The following CFH variants were observed in gnomAD, a reference collection of about 807,000 sequenced individuals.
CFH encodes complement factor H.
A neutral mutation model predicts 147.3 loss-of-function variants in CFH; 53 were observed. The observed-to-expected ratio is 0.36, with a 90% CI of 0.29 to 0.45. The LOEUF (loss-of-function observed/expected upper bound fraction) is 0.45, where lower values mean the gene tolerates loss of function less well. CFH is among the 20% of genes least tolerant of loss of function. The pLI, the probability that CFH is intolerant of heterozygous loss-of-function variation, is 1.00. For synonymous variants in CFH, 536 were observed against 489.4 expected (o/e 1.10, Z -1.26); for missense variants, 1,380 against 1,498.0 (o/e 0.92, Z 1.30).
intron 9 of CFH, among the ~76,000 whole-genome samples, chr1:196,702,040 A>G (rs1419671974): frequency 6.6e-6 from 1 of 152,174 alleles, no homozygotes; most frequent in African/African-American, 2.4e-5. Context: ...TTGGAAAAGT[A>G]CAACAATGTA....
At chr1:196,698,149 T>TATA (rs1452294015) in intron 9 of CFH, among the ~76,000 whole-genome samples, 2 of 151,742 alleles carry the variant, frequency 1.3e-5, no homozygotes, top group African/African-American at 4.8e-5. Flanking sequence ...AAACTTAAAG[T>TATA]ATAATAATAA....
Position 196,690,164 on chromosome 1 carries a change from G to T in CFH, c.1261G>T (p.Ala421Ser), listed in dbSNP as rs374159003. ...AGACGTTGCCTGCCATCCTGGCTAC[G>T]CTCTTCCAAAAGCGCAGACCACAGT... is the stretch of plus-strand genomic sequence containing the variant. ...SIDVACHPGY[A>S]LPKAQTTVTC... The change falls in exon 9 of 22, where the codon GCT becomes TCT. Residue 421 changes from alanine to serine, a missense_variant. By Grantham distance (99) the Ala-to-Ser change is moderately conservative (BLOSUM62 1). Transcript: ENST00000367429. 5 of 1,613,372 alleles carry T rather than the reference G, an allele frequency of 3.1e-6. No homozygotes were observed. The highest frequency in any genetic ancestry group is 3.4e-6 in the Non-Finnish European group (4 of 1,179,650).
At chr1:196,743,824 C>G (rs1299316187) in intron 20 of CFH, among the ~76,000 whole-genome samples, 196 bp downstream of exon 20, 1 of 151,936 alleles carries the variant, frequency 6.6e-6, no homozygotes, top group Non-Finnish European at 1.5e-5. Context: ...AAGATTCGAC[C>G]AAATTGAGAG....
intron 21 of CFH, among the ~76,000 whole-genome samples, 192 bp from the exon 22 acceptor site, chr1:196,746,919 C>T (rs420922): frequency 1.3e-5 from 2 of 152,074 alleles, no homozygotes; most frequent in East Asian, 1.9e-4. Flanking sequence ...CATTAAACAT[C>T]GAACCTCATT....
intron 9 of CFH, among the ~76,000 whole-genome samples, chr1:196,699,417 A>G (rs1429743111): frequency 3.3e-5 from 5 of 152,224 alleles, no homozygotes; most frequent in African/African-American, 9.6e-5. Context: ...TTGAGACTAC[A>G]TGATATATTG....
intron 19 of CFH, among the ~76,000 whole-genome samples, 174 bp from the exon 20 acceptor site, chr1:196,743,278 T>C (rs1464796175): frequency 1.3e-5 from 2 of 152,204 alleles, no homozygotes; most frequent in Admixed American, 1.3e-4. Context: ...TTACAAAAAA[T>C]AGTTTCATGT....
chr1:196,672,953 C>T (rs766487897), intron 1 of CFH, 25 bp from the exon 2 acceptor site: 18 of 1,594,402 alleles, frequency 1.1e-5, no homozygotes, highest in Non-Finnish European at 1.5e-5. Context: ...ACTTTATGCA[C>T]TTATTTTGTT....
At chr1:196,716,820 G>A (rs1352386626) in intron 11 of CFH, among the ~76,000 whole-genome samples, 1 of 151,992 alleles carries the variant, frequency 6.6e-6, no homozygotes, top group African/African-American at 2.4e-5. Context: ...ATTTTGAGAG[G>A]GCTTTGCAAC....
At chr1:196,721,899 C>A (rs191578492) in intron 11 of CFH, among the ~76,000 whole-genome samples, 278 of 151,248 alleles carry the variant, frequency 1.8e-3, no homozygotes, top group African/African-American at 6.5e-3. Context: ...TTCAAAATAT[C>A]TGTCTCCATA....
chr1:196,683,329 A>G (rs1273017811), intron 6 of CFH, among the ~76,000 whole-genome samples: 1 of 151,812 alleles, frequency 6.6e-6, no homozygotes, highest in Non-Finnish European at 1.5e-5. Flanking sequence ...TGACTGGAAT[A>G]TGTGAAATGC....
At chr1:196,696,179 A>G (rs1187326736) in intron 9 of CFH, among the ~76,000 whole-genome samples, 1 of 152,080 alleles carries the variant, frequency 6.6e-6, no homozygotes, top group Admixed American at 6.6e-5. Context: ...ACTACATAGC[A>G]CTTATTCTAA....
At chr1:196,670,123 G>T (rs911525034) in intron 1 of CFH, among the ~76,000 whole-genome samples, 1 of 152,198 alleles carries the variant, frequency 6.6e-6, no homozygotes. Flanking sequence ...CATTTGGGAT[G>T]GGAGCATTTA....
chr1:196,700,860 C>A, intron 9 of CFH: 1 of 985,270 alleles, frequency 1.0e-6, no homozygotes, highest in Non-Finnish European at 1.2e-6. Context: ...ACCTTGTCTG[C>A]AGCAGAGAAA....
rs1329058948 is a variant in CFH at position 196,695,015 on chromosome 1, C to A, written c.1336+4776C>A. Among the ~76,000 whole-genome samples the A allele has an allele frequency of 2.0e-5, 3 of 152,140 alleles. No homozygotes were observed. In the East Asian group the frequency reaches 5.8e-4, roughly 29 times the overall value. On this transcript the variant is annotated intron_variant, in intron 9 of 21. Coordinates refer to ENST00000367429, the MANE Select transcript of CFH (RefSeq NM_000186.4). ...CAGAAGCTCTTTAGTTTAATTAGAT[C>A]CCATTTGTCAATTTTGGCCTTTGTT...
chr1:196,743,811 A>G (rs1652902927), intron 20 of CFH, among the ~76,000 whole-genome samples, 183 bp downstream of exon 20: 1 of 152,172 alleles, frequency 6.6e-6, no homozygotes, highest in Admixed American at 6.5e-5. Flanking sequence ...ATTATTTTCC[A>G]GAAAGATTCG....
At chr1:196,705,982 G>T (rs1029775321) in intron 9 of CFH, among the ~76,000 whole-genome samples, 2 of 152,076 alleles carry the variant, frequency 1.3e-5, no homozygotes, top group Non-Finnish European at 2.9e-5. Context: ...AACCAGACAT[G>T]ACCAAAATTC....
At position 196,667,481 on chromosome 1, in the gene CFH, C is replaced by A. The variant is rs1179846655; in HGVS notation, c.59-5497C>A. Among the ~76,000 whole-genome samples the A allele has an allele frequency of 2.0e-5, 3 of 152,072 alleles. No individual in the cohort carries two copies. The East Asian group carries it at 5.8e-4, about 29-fold the overall frequency. ...AATAATACTTTCTAACTAAAATTAT[C>A]ATTTGCTTGATATTAATACATTAAT... On this transcript the variant is annotated intron_variant, in intron 1 of 21. Transcript: ENST00000367429.
chr1:196,725,760 C>G (rs565155374), intron 12 of CFH, among the ~76,000 whole-genome samples: 7 of 152,234 alleles, frequency 4.6e-5, no homozygotes, highest in East Asian at 1.9e-4. Context: ...GTGACAGGCT[C>G]TTTTTAAGAA....
intron 9 of CFH, among the ~76,000 whole-genome samples, chr1:196,696,098 C>T (rs1317138509): frequency 2.0e-5 from 3 of 152,060 alleles, no homozygotes; most frequent in African/African-American, 7.2e-5. Context: ...AATTTGAACT[C>T]AACTCTGGAC....
Sources: allele counts gnomAD v4.1 joint callset (sites outside exome capture counted in the v4.1 genomes callset), GRCh38; gene constraint gnomAD v4.1.1; transcripts MANE v1.5; gene names NCBI Gene and HGNC (gene_info 2026-07-23, HGNC 2026-07-21).